The following NTNG1 variants were observed in gnomAD, a reference collection of about 807,000 sequenced individuals.
NTNG1 encodes the protein netrin-G1.
NTNG1 carries 16 observed loss-of-function variants against 54.0 expected under a neutral mutation model. The observed-to-expected ratio is 0.30, with a 90% CI of 0.20 to 0.45. The LOEUF (loss-of-function observed/expected upper bound fraction) is 0.45, where lower values mean the gene tolerates loss of function less well. Among genes scored for constraint, NTNG1 ranks in the 20% least tolerant of loss-of-function variants. NTNG1 has a pLI of 1.00. For missense variants in NTNG1, 530 were observed against 678.7 expected (o/e 0.78, Z 2.43); for synonymous variants, 255 against 263.1 (o/e 0.97, Z 0.30).
chr1:107,368,655 TCATATCAGGAA>T (rs943275376), intron 3 of NTNG1, among the ~76,000 whole-genome samples: 44 of 152,300 alleles, frequency 2.9e-4, no homozygotes, highest in African/African-American at 1.1e-3. Context: ...CACTTACTCT[TCATATCAGGAA>T]CATGAGACTT....
chr1:107,457,564 CAAAT>C (rs994193690), intron 7 of NTNG1, among the ~76,000 whole-genome samples: 27 of 152,082 alleles, frequency 1.8e-4, no homozygotes, highest in African/African-American at 6.3e-4. Flanking sequence ...TGCTCTAAGA[CAAAT>C]AGATTTTTTG....
intron 7 of NTNG1, among the ~76,000 whole-genome samples, chr1:107,451,889 T>G (rs1286226037): frequency 2.0e-5 from 3 of 152,130 alleles, no homozygotes; most frequent in Non-Finnish European, 4.4e-5. Context: ...AAACCAAAGT[T>G]TCCTGTCCAG....
intron 7 of NTNG1, among the ~76,000 whole-genome samples, chr1:107,469,507 G>T (rs1489015901): frequency 6.6e-6 from 1 of 151,920 alleles, no homozygotes; most frequent in African/African-American, 2.4e-5. Context: ...TTTTGAGTCA[G>T]AGTCTCTCTC....
chr1:107,301,736 A>G (rs1666332346), intron 2 of NTNG1, among the ~76,000 whole-genome samples: 1 of 152,164 alleles, frequency 6.6e-6, no homozygotes, highest in Admixed American at 6.6e-5. Flanking sequence ...TCTACGCAAC[A>G]CAAGTTCAAC....
chr1:107,151,417 C>G (rs1654560721), intron 2 of NTNG1, among the ~76,000 whole-genome samples: 2 of 152,148 alleles, frequency 1.3e-5, no homozygotes, highest in Admixed American at 6.5e-5. Flanking sequence ...TATGCGTTCT[C>G]CCCTCCTTGA....
Position 107,199,073 on chromosome 1 carries a change from A to G in NTNG1, c.246+50234A>G, listed in dbSNP as rs527362877. ...TTACAGAAATTATTTCTCACTTTGA[A>G]AAGTTGAAATTTCTTGATATAGTGC... On this transcript the variant is annotated intron_variant, in intron 2 of 7. Coordinates refer to ENST00000370068, the MANE Select transcript of NTNG1 (RefSeq NM_001113226.3). Among the ~76,000 whole-genome samples the G allele has an allele frequency of 1.1e-3, 163 of 151,944 alleles. 1 individual carries two copies. The South Asian group carries it at 0.012, about 11-fold the overall frequency.
intron 3 of NTNG1, among the ~76,000 whole-genome samples, chr1:107,353,977 C>T (rs898714279): frequency 6.6e-6 from 1 of 152,124 alleles, no homozygotes; most frequent in Admixed American, 6.6e-5. Flanking sequence ...AAACCAACAC[C>T]AAGGGGAAAT....
At chr1:107,454,614 T>C (rs1295777064) in intron 7 of NTNG1, among the ~76,000 whole-genome samples, 1 of 151,936 alleles carries the variant, frequency 6.6e-6, no homozygotes, top group Admixed American at 6.6e-5. Context: ...AACATCAAAC[T>C]GTGGCCCAAT....
At chr1:107,208,474 G>T (rs1055879004) in intron 2 of NTNG1, among the ~76,000 whole-genome samples, 2 of 151,300 alleles carry the variant, frequency 1.3e-5, no homozygotes, top group Non-Finnish European at 2.9e-5. Flanking sequence ...AAGAAATGGA[G>T]GGAATACTTC....
At chr1:107,434,820 T>C (rs1467410495) in intron 6 of NTNG1, among the ~76,000 whole-genome samples, 2 of 152,158 alleles carry the variant, frequency 1.3e-5, no homozygotes, top group African/African-American at 2.4e-5. Flanking sequence ...CTCTTTGCAT[T>C]ACTCCAATAT....
intron 3 of NTNG1, among the ~76,000 whole-genome samples, chr1:107,376,709 T>C (rs1671287117): frequency 6.6e-6 from 1 of 152,216 alleles, no homozygotes; most frequent in Admixed American, 6.5e-5. Flanking sequence ...TTGTATGACA[T>C]GGAAATTTTT....
intron 2 of NTNG1, among the ~76,000 whole-genome samples, chr1:107,232,980 A>G (rs1407460682): frequency 6.6e-6 from 1 of 152,214 alleles, no homozygotes; most frequent in Non-Finnish European, 1.5e-5. Context: ...TTTCCATTTT[A>G]TGGATAATAA....
chr1:107,182,257 C>A (rs956959863), intron 2 of NTNG1, among the ~76,000 whole-genome samples: 7 of 152,050 alleles, frequency 4.6e-5, no homozygotes. Context: ...GGCACAAGTA[C>A]AGCATTTGAG....
intron 2 of NTNG1, among the ~76,000 whole-genome samples, chr1:107,318,655 GA>G (rs1667474062): frequency 6.6e-6 from 1 of 152,116 alleles, no homozygotes; most frequent in South Asian, 2.1e-4. Context: ...TTTGTGAGTG[GA>G]AAACATGAAC....
chr1:107,419,761 A>C (rs1038809454), intron 5 of NTNG1, among the ~76,000 whole-genome samples: 2 of 152,014 alleles, frequency 1.3e-5, no homozygotes, highest in African/African-American at 4.8e-5. Flanking sequence ...TAAGCAAAAC[A>C]AAATATATTA....
intron 1 of NTNG1, among the ~76,000 whole-genome samples, chr1:107,144,927 G>A (rs983086693): frequency 3.3e-5 from 5 of 152,050 alleles, no homozygotes; most frequent in East Asian, 3.9e-4. Context: ...GCAAAGTGAA[G>A]AGGTAGAACT....
intron 2 of NTNG1, among the ~76,000 whole-genome samples, chr1:107,211,113 G>A (rs1195943539): frequency 1.3e-5 from 2 of 152,078 alleles, no homozygotes; most frequent in African/African-American, 4.8e-5. Flanking sequence ...GTGTTGGTTT[G>A]CTTTCTAAAC....
intron 2 of NTNG1, among the ~76,000 whole-genome samples, chr1:107,297,246 T>TATATATATATATAC (rs1239725449): frequency 1.5e-5 from 1 of 67,274 alleles, no homozygotes; most frequent in Non-Finnish European, 3.0e-5. Flanking sequence ...TATATATATA[T>TATATATATATATAC]GCGCACACAC....
chr1:107,226,036 A>G (rs1284749148), intron 2 of NTNG1, among the ~76,000 whole-genome samples: 1 of 152,180 alleles, frequency 6.6e-6, no homozygotes, highest in Admixed American at 6.5e-5. Context: ...GTATTTATAG[A>G]CAAATAAAAT....
Sources: allele counts gnomAD v4.1 joint callset (sites outside exome capture counted in the v4.1 genomes callset), GRCh38; gene constraint gnomAD v4.1.1; transcripts MANE v1.5; gene names NCBI Gene and HGNC (gene_info 2026-07-23, HGNC 2026-07-21).